TXLNB: variants seen among roughly 807,000 people sequenced by gnomAD.
The protein encoded by TXLNB is beta-taxilin.
Under a neutral mutation model 57.4 loss-of-function variants are expected in TXLNB, and 37 were observed. The observed-to-expected ratio is 0.64, with a 90% confidence interval of 0.50 to 0.85. The LOEUF (loss-of-function observed/expected upper bound fraction) is 0.85, where lower values mean the gene tolerates loss of function less well. Ranked by LOEUF, TXLNB falls within the 40% of genes least tolerant of loss-of-function variation. The pLI is 0.00. For missense variants in TXLNB, 848 were observed against 825.6 expected, an observed-to-expected ratio of 1.03 and a Z score of -0.33; for synonymous variants, 302 against 309.6, an observed-to-expected ratio of 0.98 and a Z score of 0.26.
the TXLNB span, among the ~76,000 whole-genome samples, chr6:139,212,829 C>T: frequency 6.6e-6 from 1 of 152,132 alleles, no homozygotes; most frequent in Non-Finnish European, 1.5e-5. Context: ...GGTTGCAATC[C>T]TAGTCTCTGA....
chr6:139,314,119 A>C, the TXLNB span, among the ~76,000 whole-genome samples: 3 of 152,206 alleles, frequency 2.0e-5, no homozygotes, highest in Non-Finnish European at 4.4e-5. Flanking sequence ...GCTTAGACAT[A>C]TTTTGAAATA....
chr6:139,295,391 T>C (rs192259062), upstream of TXLNB, among the ~76,000 whole-genome samples: 401 of 152,346 alleles, frequency 2.6e-3, 4 homozygotes, highest in African/African-American at 8.7e-3. Flanking sequence ...TGAACTTTTG[T>C]AAAGAATACA....
the TXLNB span, among the ~76,000 whole-genome samples, chr6:139,320,027 G>T: frequency 1.3e-5 from 2 of 152,006 alleles, no homozygotes; most frequent in Non-Finnish European, 2.9e-5. Flanking sequence ...CTCTTAATTT[G>T]TAGTGGTTAT....
At position 139,255,657 on chromosome 6, in the gene TXLNB, T is replaced by G. The variant is rs376264844; in HGVS notation, c.1003-19A>C. 1 of 1,603,116 alleles carries G rather than the reference T, an allele frequency of 6.2e-7. No individual in the cohort carries two copies. Among genetic ancestry groups the G allele is most frequent in the Non-Finnish European group, 8.5e-7 (1 of 1,171,536 alleles). ...TCAGCAACTATGAGAAGAGAGAGTG[T>G]GTGGAAAGATGGTCAGATTTGCCTT... On this transcript the variant is annotated intron_variant, in intron 6 of 9. Transcript: ENST00000358430.
At chr6:139,226,637 C>T in the TXLNB span, among the ~76,000 whole-genome samples, 1,907 of 152,194 alleles carry the variant, frequency 0.013, 32 homozygotes, top group African/African-American at 0.043. Flanking sequence ...GGGAAAAAAA[C>T]ATCATGAATA....
the TXLNB span, among the ~76,000 whole-genome samples, chr6:139,228,667 G>A: frequency 1.3e-5 from 2 of 152,066 alleles, no homozygotes; most frequent in African/African-American, 2.4e-5. Context: ...ACCTGCAGGT[G>A]ATTCCTCTTG....
chr6:139,292,451 G>A (rs1215394230), upstream of TXLNB, among the ~76,000 whole-genome samples: 1 of 152,090 alleles, frequency 6.6e-6, no homozygotes, highest in Non-Finnish European at 1.5e-5. The surrounding 1 kb of genome is among the most constrained non-coding windows in gnomAD (Gnocchi z 4.0). Flanking sequence ...AGCTTAATTA[G>A]TGTCAGGTTT....
chr6:139,164,750 C>T, the TXLNB span, among the ~76,000 whole-genome samples: 1 of 152,066 alleles, frequency 6.6e-6, no homozygotes, highest in African/African-American at 2.4e-5. Flanking sequence ...CCCTGAAGCA[C>T]CCTTGTCATC....
chr6:139,161,941 A>G, the TXLNB span, among the ~76,000 whole-genome samples: 1 of 152,132 alleles, frequency 6.6e-6, no homozygotes, highest in Non-Finnish European at 1.5e-5. Flanking sequence ...CCACTCTTCT[A>G]CTTCTTTTTG....
At chr6:139,275,804 A>AG (rs1316584660) in intron 3 of TXLNB, among the ~76,000 whole-genome samples, 9 of 152,212 alleles carry the variant, frequency 5.9e-5, no homozygotes, top group Non-Finnish European at 1.0e-4. Flanking sequence ...ATAAAAAATT[A>AG]AAGAGAATTA....
chr6:139,254,315 TTGTGTGTGTG>T (rs60108019), intron 7 of TXLNB, among the ~76,000 whole-genome samples: 2 of 150,026 alleles, frequency 1.3e-5, no homozygotes, highest in Non-Finnish European at 3.0e-5. Context: ...TGAACACGAT[TTGTGTGTGTG>T]TGTGTGTGTG....
upstream of TXLNB, among the ~76,000 whole-genome samples, chr6:139,296,897 A>G (rs914621375): frequency 4.6e-5 from 7 of 152,058 alleles, no homozygotes; most frequent in Non-Finnish European, 5.9e-5. Context: ...GAAAGCAAAC[A>G]AACAAACAAA....
At chr6:139,268,481 A>G (rs1382262176) in intron 4 of TXLNB, among the ~76,000 whole-genome samples, 1 of 152,230 alleles carries the variant, frequency 6.6e-6, no homozygotes, top group Non-Finnish European at 1.5e-5. Context: ...ACCATGTATG[A>G]TCGGCTATAA....
chr6:139,289,011 C>T (rs1777246179), intron 1 of TXLNB, 98 bp from the exon 2 acceptor site: 5 of 847,736 alleles, frequency 5.9e-6, no homozygotes, highest in Non-Finnish European at 8.9e-6. Context: ...TGAATACCAA[C>T]TAATTATAGT....
At position 139,243,017 on chromosome 6, in the gene TXLNB, C is replaced by T; in HGVS notation, c.1564G>A (p.Glu522Lys). Residue 522 changes from glutamate to lysine, a missense_variant, in exon 10 of 10, where the codon GAA becomes AAA. Coordinates refer to ENST00000358430, the MANE Select transcript of TXLNB (RefSeq NM_153235.4). The part of the protein sequence containing the change: ...HPESTPHQSK[E>K]TQPEIGSSQE... ...GAACTGCCTATTTCGGGTTGGGTTTCTTTGGACTGGTGCGGGGTTGACTCT... is the reference window on the plus strand; with the variant it reads ...GAACTGCCTATTTCGGGTTGGGTTTTTTTGGACTGGTGCGGGGTTGACTCT... 6.2e-7 allele frequency: 1 copy of T among 1,614,152 alleles called. No homozygotes were observed. The highest frequency in any genetic ancestry group is 8.5e-7 in the Non-Finnish European group (1 of 1,180,036).
chr6:139,319,368 G>A, the TXLNB span, among the ~76,000 whole-genome samples: 1 of 150,214 alleles, frequency 6.7e-6, no homozygotes, highest in Non-Finnish European at 1.5e-5. Context: ...CTCAAGTTCT[G>A]GGATTATAGG....
chr6:139,193,241 CTTTTTT>C, the TXLNB span, among the ~76,000 whole-genome samples: 3 of 101,212 alleles, frequency 3.0e-5, no homozygotes, highest in Admixed American at 1.1e-4. Context: ...CTTTGACCCT[CTTTTTT>C]TTTTTTTTTT....
the TXLNB span, chr6:139,180,396 A>T: frequency 1.3e-5 from 2 of 152,574 alleles, no homozygotes; most frequent in African/African-American, 4.8e-5. Context: ...TAGGTCAGGA[A>T]CTCCAGTTTG....
the TXLNB span, among the ~76,000 whole-genome samples, chr6:139,314,071 C>G: frequency 6.6e-6 from 1 of 152,082 alleles, no homozygotes; most frequent in Non-Finnish European, 1.5e-5. Context: ...GATGGCAGGC[C>G]CTGAAAGAAA....
Sources: allele counts gnomAD v4.1 joint callset (sites outside exome capture counted in the v4.1 genomes callset), GRCh38; gene constraint gnomAD v4.1.1; non-coding constraint Gnocchi (gnomAD v3.1); transcripts MANE v1.5; gene names NCBI Gene and HGNC (gene_info 2026-07-23, HGNC 2026-07-21).